The following MMRN2 variants were observed in gnomAD, a reference collection of about 807,000 sequenced individuals.
The protein encoded by MMRN2 is multimerin 2.
In MMRN2, 53 loss-of-function variants were observed where a neutral mutation model predicts 68.8. That is an observed-to-expected ratio of 0.77 (90% confidence interval 0.62 to 0.97). The LOEUF (loss-of-function observed/expected upper bound fraction) is 0.97, where lower values mean the gene tolerates loss of function less well. Ranked by LOEUF, MMRN2 falls within the 50% of genes least tolerant of loss-of-function variation. MMRN2 has a pLI of 0.00. For synonymous variants in MMRN2, 564 were observed against 551.6 expected (o/e 1.02, Z -0.32); for missense variants, 1,266 against 1,259.5 (o/e 1.01, Z -0.08).
At position 86,936,790 on chromosome 10, in the gene MMRN2, T is replaced by C. The variant is rs1385953755; in HGVS notation, c.2803A>G (p.Ser935Gly). 1 of 1,614,178 alleles carries C rather than the reference T, an allele frequency of 6.2e-7. No homozygotes were observed. ...ELTQGSITKR[S>G]LSGTAFGGFL... ...CCCCCAAATGCAGTGCCCGACAGGC[T>C]TCTCTTTGTTATTGATCCCTGGGTT... Residue 935 changes from serine to glycine, a missense_variant, in exon 7 of 7, where the codon AGC becomes GGC. Ser to Gly is a moderately conservative substitution (Grantham distance 56). Coordinates refer to ENST00000372027, the MANE Select transcript of MMRN2 (RefSeq NM_024756.3).
Position 86,945,656 on chromosome 10 carries a change from G to C in MMRN2, c.198C>G (p.Val66=). The change falls in exon 2 of 7, where the codon GTC becomes GTG. Residue 66 remains valine, a synonymous_variant. Transcript: ENST00000372027. ...NWCPYPMSKL[V]TLLALCKTEK... is the part of the protein sequence containing the mutation. ...CTGTTTTGCAAAGAGCTAGTAAGGT[G>C]ACCAGCTTGGACATTGGGTAGGGGC... 1.2e-6 allele frequency: 2 copies of C among 1,614,054 alleles called. No individual in the cohort carries two copies. Among genetic ancestry groups the C allele is most frequent in the Non-Finnish European group, 1.7e-6 (2 of 1,180,028 alleles).
rs1445485953 is a variant in MMRN2 at position 86,936,069 on chromosome 10, C to T, written c.*674G>A. On this transcript the variant is annotated 3_prime_UTR_variant, in exon 7 of 7. Transcript: ENST00000372027. ...CGCCCCCAAGATCCAATTACCTCCA[C>T]CTGATCTCTCCCTTGATGTGGGGAT... 2.0e-5 allele frequency: 4 copies of T among 196,060 alleles called. No individual in the cohort carries two copies. Among genetic ancestry groups the T allele is most frequent in the East Asian group, 2.2e-4 (2 of 8,956 alleles). The allele number at this position is 196,060 out of a possible 1,614,324, so 12.1% of individuals were successfully genotyped here.
At chr10:86,944,510 G>A (rs1844038073) in intron 4 of MMRN2, 75 bp from the exon 5 acceptor site, 3 of 1,531,804 alleles carry the variant, frequency 2.0e-6, no homozygotes, top group South Asian at 2.3e-5. Context: ...CAGAGAAGGA[G>A]AGTTGAAGGC....
At chr10:86,957,298 G>A in intron 1 of MMRN2, 80 bp downstream of exon 1, 1 of 1,446,924 alleles carries the variant, frequency 6.9e-7, no homozygotes, top group Non-Finnish European at 9.7e-7. Flanking sequence ...ACCCCAGTGA[G>A]GTCTAGAGAG....
intron 1 of MMRN2, 131 bp downstream of exon 1, chr10:86,957,247 T>TGGCC: frequency 1.1e-6 from 1 of 933,460 alleles, no homozygotes; most frequent in Non-Finnish European, 1.7e-6. Flanking sequence ...GCCTCACAGA[T>TGGCC]GGCCCAGAGA....
intron 6 of MMRN2, among the ~76,000 whole-genome samples, chr10:86,938,115 G>T (rs539811831): frequency 1.3e-5 from 2 of 152,142 alleles, no homozygotes; most frequent in East Asian, 3.9e-4. Flanking sequence ...TTTATTTTTT[G>T]TAGAGACAGA....
Position 86,936,476 on chromosome 10 carries a change from GTGC to G in MMRN2, c.*264_*266del. 1.8e-6 allele frequency: 1 copy of G among 551,472 alleles called. No individual in the cohort carries two copies. The highest frequency in any genetic ancestry group is 3.2e-6 in the Non-Finnish European group (1 of 312,008). The allele number at this position is 551,472 out of a possible 1,614,324, so 34.2% of individuals were successfully genotyped here. On this transcript the variant is annotated 3_prime_UTR_variant, in exon 7 of 7. Coordinates refer to ENST00000372027, the MANE Select transcript of MMRN2 (RefSeq NM_024756.3). ...GTGGTGAAGAGTTGGAGCCCAGGCC[GTGC>G]TGTCTGAGAAGGCATGCCAAGCCAA...
In MMRN2 at chr10:86,936,625, G is replaced by C. The variant is rs530532200; in HGVS notation, c.*118C>G. 5.6e-5 allele frequency: 73 copies of C among 1,311,982 alleles called. No homozygotes were observed. In the African/African-American group the frequency reaches 1.0e-3, roughly 18 times the overall value. The allele number at this position is 1,311,982 out of a possible 1,614,324, so 81.3% of individuals were successfully genotyped here. ...CCACGTACACCACACCATCTTTGCA[G>C]AAGGTTTCCAGGGAAGAGACAGACC... On this transcript the variant is annotated 3_prime_UTR_variant, in exon 7 of 7. Transcript: ENST00000372027.
chr10:86,936,162 G>A lies in MMRN2; in HGVS notation c.*581C>T. 1 of 356,678 alleles carries A rather than the reference G, an allele frequency of 2.8e-6. No homozygotes were observed. The highest frequency in any genetic ancestry group is 5.0e-6 in the Non-Finnish European group (1 of 200,208). The allele number at this position is 356,678 out of a possible 1,614,324, so 22.1% of individuals were successfully genotyped here. ...AGCTAAACCATATCCTACAAGGAAT[G>A]ACTGAAACTAAAGATACTAATTTCC... On this transcript the variant is annotated 3_prime_UTR_variant, in exon 7 of 7. Coordinates refer to ENST00000372027, the MANE Select transcript of MMRN2 (RefSeq NM_024756.3).
intron 6 of MMRN2, among the ~76,000 whole-genome samples, chr10:86,938,649 G>A (rs1293636033): frequency 6.6e-6 from 1 of 152,158 alleles, no homozygotes; most frequent in African/African-American, 2.4e-5. Flanking sequence ...CCTCTGTAGG[G>A]GTTTAAAACA....
chr10:86,942,529 T>G lies in MMRN2; in HGVS notation c.2255A>C (p.His752Pro), dbSNP rs199807971. ...CCCTTGGAAGTTCCCAAAGAGGCTG[T>G]GGAAGAGCCGCTGGTGCTGCTCCAA... ...RSLEQHQRLF[H>P]SLFGNFQGLM... The change falls in exon 6 of 7, where the codon CAC becomes CCC. Residue 752 changes from histidine to proline, a missense_variant. His to Pro is a moderately conservative substitution (Grantham distance 77, BLOSUM62 -2). Transcript: ENST00000372027. 6.2e-7 allele frequency: 1 copy of G among 1,613,786 alleles called. No individual in the cohort carries two copies.
chr10:86,944,631 ACAGCAGAC>A (rs1297449772), intron 4 of MMRN2, 196 bp from the exon 5 acceptor site: 5 of 585,280 alleles, frequency 8.5e-6, no homozygotes, highest in Non-Finnish European at 9.0e-6. Flanking sequence ...TCCTACACCT[ACAGCAGAC>A]ATGACTAATC....
chr10:86,952,261 G>A (rs1275494620), intron 1 of MMRN2, among the ~76,000 whole-genome samples: 1 of 152,110 alleles, frequency 6.6e-6, no homozygotes, highest in African/African-American at 2.4e-5. Context: ...TGGAAGGAAG[G>A]AAGGAATGCT....
rs1844026509 is a variant in MMRN2 at position 86,943,977 on chromosome 10, G to T, written c.807C>A (p.Asn269Lys). Residue 269 changes from asparagine to lysine, a missense_variant, in exon 6 of 7, where the codon AAC becomes AAA. By Grantham distance (94) the Asn-to-Lys change is moderately conservative. Coordinates refer to ENST00000372027, the MANE Select transcript of MMRN2 (RefSeq NM_024756.3). This position sits in a 1 kb window ranked among gnomAD's most constrained non-coding sequence, Gnocchi z 4.2. ...CCTGGACTCTGGAGATGGCCTGGCG[G>T]TTGGCCTCCACGTCAAGAGACAGGT... Reference protein sequence around the residue: ...IRNLSLDVEANRQAISRVQDS... With the variant: ...IRNLSLDVEAKRQAISRVQDS... 1 of 1,614,046 alleles carries T rather than the reference G, an allele frequency of 6.2e-7. No individual in the cohort carries two copies. The highest frequency in any genetic ancestry group is 1.3e-5 in the African/African-American group (1 of 74,936).
In MMRN2 at chr10:86,944,140, A is replaced by G; in HGVS notation, c.656-12T>C. On this transcript the variant is annotated splice_polypyrimidine_tract_variant and intron_variant, in intron 5 of 6. Transcript: ENST00000372027. ...TCTATCAGGGAACTCTGCAACAGAC[A>G]TGTGGTGTGACACAAGCCCTGCAGG... 2 of 1,610,452 alleles carry G rather than the reference A, an allele frequency of 1.2e-6. No homozygotes were observed. Among genetic ancestry groups the G allele is most frequent in the Non-Finnish European group, 1.7e-6 (2 of 1,177,474 alleles).
chr10:86,947,471 G>A lies in MMRN2; in HGVS notation c.165-1782C>T, dbSNP rs1009806107. Among the ~76,000 whole-genome samples, 8 of 151,958 alleles carry A rather than the reference G, an allele frequency of 5.3e-5. No homozygotes were observed. The East Asian group carries it at 9.7e-4, about 18-fold the overall frequency. The stretch of plus-strand genomic sequence containing the variant: ...CAACCTCCACCTCCCAGGTTCAAGC[G>A]ATTCTCCTTGCCTCAGCCTCCCAAG... On this transcript the variant is annotated intron_variant, in intron 1 of 6. Coordinates refer to ENST00000372027, the MANE Select transcript of MMRN2 (RefSeq NM_024756.3).
In MMRN2 at chr10:86,937,113, GC is replaced by G; in HGVS notation, c.2479del (p.Ala827ProfsTer16). 6.2e-7 allele frequency: 1 copy of G among 1,614,084 alleles called. No homozygotes were observed. Among genetic ancestry groups the G allele is most frequent in the Non-Finnish European group, 8.5e-7 (1 of 1,179,964 alleles). ...AALWEAGSPV[A>X]FYASFSEGTA... ...CCCTTCTGAAAAGCTGGCATAGAAGGCCACAGGGGATCCTGAAACATAACAG... is the reference window on the plus strand; with the variant it reads ...CCCTTCTGAAAAGCTGGCATAGAAGGCACAGGGGATCCTGAAACATAACAG... On this transcript the variant is annotated frameshift_variant, in exon 7 of 7. Transcript: ENST00000372027. LOFTEE classifies it low-confidence loss of function (END_TRUNC).
chr10:86,949,075 T>C (rs1401396672), intron 1 of MMRN2: 1 of 152,236 alleles, frequency 6.6e-6, no homozygotes, highest in Non-Finnish European at 1.5e-5. Context: ...ATATGAAATT[T>C]TAGAACTCTG....
intron 1 of MMRN2, among the ~76,000 whole-genome samples, chr10:86,954,413 T>TCGAAATG (rs1311440840): frequency 1.3e-5 from 2 of 152,142 alleles, no homozygotes; most frequent in Non-Finnish European, 2.9e-5. Flanking sequence ...TCCCCCATCA[T>TCGAAATG]CGAAATGCGA....
Sources: gnomAD v4.1 joint callset for allele counts (sites outside exome capture counted in the v4.1 genomes callset) on GRCh38, gnomAD v4.1.1 for gene constraint, Gnocchi (gnomAD v3.1) non-coding constraint, MANE v1.5 for transcripts, NCBI Gene and HGNC (gene_info 2026-07-23, HGNC 2026-07-21) for gene names.